CFAP47: variants seen among roughly 807,000 people sequenced by gnomAD.
CFAP47 encodes the protein cilia and flagella associated protein 47.
Under a neutral mutation model 148.1 loss-of-function variants are expected in CFAP47, and 29 were observed. The observed-to-expected ratio is 0.20, with a 90% CI of 0.15 to 0.27. The LOEUF (loss-of-function observed/expected upper bound fraction) is 0.27, where lower values mean the gene tolerates loss of function less well. CFAP47 is among the 10% of genes least tolerant of loss of function. The pLI, the probability that CFAP47 is intolerant of heterozygous loss-of-function variation, is 1.00. For synonymous variants in CFAP47, 664 were observed against 577.3 expected, an observed-to-expected ratio of 1.15 and a Z score of -2.15; for missense variants, 1,872 against 1,697.5, an observed-to-expected ratio of 1.10 and a Z score of -1.81.
intron 26 of CFAP47, among the ~76,000 whole-genome samples, chrX:36,048,250 T>C (rs987168950): frequency 2.7e-5 from 3 of 111,845 alleles, no homozygotes; most frequent in Non-Finnish European, 5.6e-5. Context: ...TGGTAATCTA[T>C]TAGCATATAT....
chrX:36,264,055 G>A (rs1221706671), intron 49 of CFAP47, among the ~76,000 whole-genome samples: 2 of 111,789 alleles, frequency 1.8e-5, no homozygotes, highest in African/African-American at 3.3e-5. Flanking sequence ...TAGAAATGTC[G>A]TCTGCGAGCT....
chrX:36,298,676 G>C (rs1941268529), intron 51 of CFAP47, among the ~76,000 whole-genome samples: 1 of 111,002 alleles, frequency 9.0e-6, no homozygotes, highest in Admixed American at 9.6e-5. Context: ...TAGAAATAAT[G>C]ATACCAGTGA....
At chrX:36,020,068 T>G (rs1342357328) in intron 22 of CFAP47, among the ~76,000 whole-genome samples, 1 of 112,057 alleles carries the variant, frequency 8.9e-6, no homozygotes, top group Non-Finnish European at 1.9e-5. Context: ...GCTATAAACT[T>G]TCCTTTTAGT....
At chrX:36,092,882 T>A (rs192492921) in intron 30 of CFAP47, among the ~76,000 whole-genome samples, 26 of 110,806 alleles carry the variant, frequency 2.3e-4, no homozygotes, top group African/African-American at 7.5e-4. Context: ...ATCCATTAAT[T>A]ATCCCCACTT....
intron 32 of CFAP47, among the ~76,000 whole-genome samples, chrX:36,100,240 A>C (rs1369563228): frequency 8.9e-6 from 1 of 111,925 alleles, no homozygotes; most frequent in Non-Finnish European, 1.9e-5. Flanking sequence ...TCTAACTGCA[A>C]AAAAAGTTGA....
At chrX:36,192,483 C>T (rs1555986649) in intron 42 of CFAP47, among the ~76,000 whole-genome samples, 1 of 111,711 alleles carries the variant, frequency 9.0e-6, no homozygotes, top group African/African-American at 3.3e-5. Flanking sequence ...TCTGTAGTGT[C>T]TAGCATGTGA....
rs145324595 is a variant in CFAP47 at position 36,047,101 on chromosome X, T to C, written c.4217+38T>C. On this transcript the variant is annotated intron_variant, in intron 26 of 63. Transcript: ENST00000378653. ...AATGTACATTATTTTGTATCTGACA[T>C]TAAAGAATAACATATTTATATTTTA... 859 of 881,094 alleles carry C rather than the reference T, an allele frequency of 9.7e-4. 3 individuals are homozygous for C. The African/African-American group carries it at 0.015, about 15-fold the overall frequency. 72.6% of individuals were successfully genotyped at this position (881,094 alleles called of 1,213,427 possible).
chrX:35,925,874 C>T, intron 1 of CFAP47, 143 bp from the exon 2 acceptor site: 1 of 412,580 alleles, frequency 2.4e-6, no homozygotes, highest in Non-Finnish European at 4.1e-6. Flanking sequence ...CCAGGATGGT[C>T]TCGATCTCCT....
chrX:36,180,985 AT>A (rs768819318), intron 40 of CFAP47, among the ~76,000 whole-genome samples: 2 of 112,077 alleles, frequency 1.8e-5, no homozygotes, highest in African/African-American at 3.2e-5. Context: ...GTTCTCCTAG[AT>A]TTTTATCTTT....
rs774313403 is a variant in CFAP47 at position 36,170,520 on chromosome X, C to T, written c.6027-8825C>T. Among the ~76,000 whole-genome samples, 14 of 109,423 alleles carry T rather than the reference C, an allele frequency of 1.3e-4. No individual in the cohort carries two copies. The Admixed American group carries it at 1.4e-3, about 11-fold the overall frequency. ...TGTCCATGTGTTCTCATTGTCAATT[C>T]CCACATATGAGCGAGAATATGCAGT... is the stretch of plus-strand genomic sequence containing the variant. On this transcript the variant is annotated intron_variant, in intron 39 of 63. Transcript: ENST00000378653.
intron 51 of CFAP47, among the ~76,000 whole-genome samples, chrX:36,297,696 G>A (rs1450084040): frequency 2.7e-5 from 3 of 111,523 alleles, no homozygotes; most frequent in Non-Finnish European, 5.6e-5. Context: ...AGGACAGGAC[G>A]AACAAGAACA....
chrX:35,975,981 TTA>T, intron 15 of CFAP47, 68 bp downstream of exon 15: 1 of 1,083,367 alleles, frequency 9.2e-7, no homozygotes, highest in South Asian at 1.9e-5. Flanking sequence ...CTGGTATTAA[TTA>T]TTTATTGAGT....
chrX:36,372,008 GTATC>G (rs1305030590), intron 62 of CFAP47, among the ~76,000 whole-genome samples: 2 of 102,576 alleles, frequency 1.9e-5, no homozygotes, highest in African/African-American at 7.0e-5. Flanking sequence ...ATATATGTGT[GTATC>G]TATGTGTATA....
chrX:36,136,609 C>T (rs1428845403), intron 33 of CFAP47, among the ~76,000 whole-genome samples: 1 of 111,036 alleles, frequency 9.0e-6, no homozygotes, highest in Non-Finnish European at 1.9e-5. Flanking sequence ...CATACATATA[C>T]ACAAAATAGT....
chrX:36,371,308 A>G (rs1556021301), intron 62 of CFAP47, among the ~76,000 whole-genome samples: 1 of 110,554 alleles, frequency 9.0e-6, no homozygotes, highest in East Asian at 2.9e-4. Flanking sequence ...CTTGGCCACT[A>G]TCACTAAGTC....
intron 6 of CFAP47, 94 bp from the exon 7 acceptor site, chrX:35,953,498 C>A: frequency 1.6e-6 from 1 of 640,012 alleles, no homozygotes; most frequent in South Asian, 4.2e-5. Context: ...CATTTGCTTG[C>A]ATAGATTTAA....
chrX:36,070,786 C>T (rs1937736792), intron 27 of CFAP47, among the ~76,000 whole-genome samples: 1 of 111,873 alleles, frequency 8.9e-6, no homozygotes, highest in Non-Finnish European at 1.9e-5. Flanking sequence ...GCCACCTCAC[C>T]TGGCTGCAAA....
Position 36,371,904 on chromosome X carries a change from A to G in CFAP47, c.9185+4777A>G, listed in dbSNP as rs782441045. Among the ~76,000 whole-genome samples, 725 of 75,401 alleles carry G rather than the reference A, an allele frequency of 9.6e-3. 95 individuals carry two copies. Among genetic ancestry groups the G allele is most frequent in the African/African-American group, 0.054 (679 of 12,630 alleles). 65.5% of individuals were successfully genotyped at this position (75,401 alleles called of 115,157 possible). On this transcript the variant is annotated intron_variant, in intron 62 of 63. Transcript: ENST00000378653. ...TATGTGTGCATATACACACATGTGT[A>G]TATATGTGTGTATATATGTGTATAT...
chrX:36,208,694 G>A (rs782779087), intron 45 of CFAP47, among the ~76,000 whole-genome samples: 7 of 111,659 alleles, frequency 6.3e-5, no homozygotes, highest in African/African-American at 2.0e-4. Context: ...GGTGAGGTGC[G>A]GTGGCTCATG....
Sources: allele counts gnomAD v4.1 joint callset (sites outside exome capture counted in the v4.1 genomes callset), GRCh38; gene constraint gnomAD v4.1.1; transcripts MANE v1.5; gene names NCBI Gene and HGNC (gene_info 2026-07-23, HGNC 2026-07-21).